The following ETFDH variants were observed in gnomAD, a reference collection of about 807,000 sequenced individuals.
The protein encoded by ETFDH is electron transfer flavoprotein-ubiquinone oxidoreductase, mitochondrial.
In ETFDH, 61 loss-of-function variants were observed where a neutral mutation model predicts 73.2. That is an observed-to-expected ratio of 0.83 (90% CI 0.68 to 1.03). The LOEUF is 1.03. ETFDH is among the 50% of genes least tolerant of loss of function. The probability of loss-of-function intolerance (pLI) is 0.00; values close to 1 mark genes in which losing one functional copy is unlikely to be tolerated. For missense variants in ETFDH, 685 were observed against 745.0 expected (o/e 0.92, Z 0.94); for synonymous variants, 243 against 253.3 (o/e 0.96, Z 0.39).
rs765742496 is a variant in ETFDH, at chr4:158,708,525, T to C, written c.1852T>C (p.Ter618GlnextTer13). The stretch of plus-strand genomic sequence containing the variant: ...AGGAGGACCTGCTTACAATGGAATG[T>C]AAACTGCAGCTAGCCAGTTTCTTTC... ...GGGGPAYNGM[*>Q] Residue 618 changes from the stop codon to glutamine, a stop_lost, in exon 13 of 13, where the codon TAA becomes CAA. Transcript: ENST00000511912. 24 of 1,612,870 alleles carry C rather than the reference T, an allele frequency of 1.5e-5. No homozygotes were observed. The highest frequency in any genetic ancestry group is 3.3e-5 in the Admixed American group (2 of 60,002).
chr4:158,694,718 A>G (rs1037122820), intron 6 of ETFDH, among the ~76,000 whole-genome samples: 11 of 152,210 alleles, frequency 7.2e-5, no homozygotes, highest in African/African-American at 2.7e-4. Context: ...GGTCTTATAT[A>G]CTACTGATGG....
chr4:158,687,718 T>C (rs1159019724), intron 5 of ETFDH, among the ~76,000 whole-genome samples: 1 of 152,214 alleles, frequency 6.6e-6, no homozygotes, highest in Non-Finnish European at 1.5e-5. Flanking sequence ...CTATTGATTC[T>C]TATTATGCAT....
intron 12 of ETFDH, among the ~76,000 whole-genome samples, chr4:158,707,850 G>C (rs924771462): frequency 1.3e-5 from 2 of 152,220 alleles, no homozygotes; most frequent in African/African-American, 4.8e-5. Flanking sequence ...TATCTTCTGT[G>C]AAAGAGGAAA....
At position 158,672,341 on chromosome 4, in the gene ETFDH, A is replaced by C; in HGVS notation, c.-116A>C. 2.9e-6 allele frequency: 3 copies of C among 1,023,406 alleles called. No homozygotes were observed. In the South Asian group the frequency reaches 3.8e-5, roughly 13 times the overall value. 63.4% of individuals were successfully genotyped at this position (1,023,406 alleles called of 1,614,324 possible). On this transcript the variant is annotated 5_prime_UTR_variant, in exon 1 of 13. Coordinates refer to ENST00000511912, the MANE Select transcript of ETFDH (RefSeq NM_004453.4). ...AGAGCGGGGAGGCGAACTGCAGCAG[A>C]GTTCTTGCTTTCCGGCAGGTGATGG...
chr4:158,697,689 T>C lies in ETFDH; in HGVS notation c.962T>C (p.Leu321Pro), dbSNP rs1464356117. The C allele has an allele frequency of 6.2e-7, 1 of 1,611,514 alleles. No individual in the cohort carries two copies. The highest frequency in any genetic ancestry group is 1.7e-5 in the Admixed American group (1 of 60,006). ...HLNEGEPLVALGLVVGLDYQN... is the reference protein window; with the variant it reads ...HLNEGEPLVAPGLVVGLDYQN... The stretch of plus-strand genomic sequence containing the variant: ...AATGAAGGTGAACCCCTAGTAGCTC[T>C]TGGTCTTGTGGTAAGTTATATTCCC... Residue 321 changes from leucine (L) to proline (P), a missense_variant, in exon 8 of 13, where the codon CTT (leucine) becomes CCT (proline). Around this residue, in one of 3 missense-constraint regions of ETFDH, gnomAD observed 405 missense variants for 399.3 expected, o/e 1.01. Coordinates refer to ENST00000511912, the MANE Select transcript of ETFDH (RefSeq NM_004453.4).
At chr4:158,697,286 G>A (rs1326699992) in intron 7 of ETFDH, among the ~76,000 whole-genome samples, 9 of 151,886 alleles carry the variant, frequency 5.9e-5, no homozygotes, top group African/African-American at 2.2e-4. Context: ...GTAGAGACAG[G>A]GTTTTACCAT....
At chr4:158,672,650 C>T (rs866611333) in intron 1 of ETFDH, among the ~76,000 whole-genome samples, 160 bp downstream of exon 1, 1 of 152,148 alleles carries the variant, frequency 6.6e-6, no homozygotes, top group Admixed American at 6.5e-5. Context: ...GGGACCCTGG[C>T]TTCCTCCCTC....
Position 158,706,309 on chromosome 4 carries a change from T to C in ETFDH, c.1406T>C (p.Ile469Thr). 11 of 1,613,458 alleles carry C rather than the reference T, an allele frequency of 6.8e-6. No individual in the cohort carries two copies. Among genetic ancestry groups the C allele is most frequent in the Non-Finnish European group, 9.3e-6 (11 of 1,179,424 alleles). Residue 469 changes from isoleucine to threonine, a missense_variant, in exon 11 of 13, where the codon ATT becomes ACT. Transcript: ENST00000511912. Reference protein sequence around the residue: ...HGVLGVYGGMIYTGIFYWILR... With the variant: ...HGVLGVYGGMTYTGIFYWILR... ...GTACTGGGTGTATATGGAGGGATGATTTACACTGGAATCTTTTACTGGATA... is the reference window on the plus strand; with the variant it reads ...GTACTGGGTGTATATGGAGGGATGACTTACACTGGAATCTTTTACTGGATA...
chr4:158,686,513 T>A (rs1441581425), intron 5 of ETFDH, among the ~76,000 whole-genome samples: 1 of 152,224 alleles, frequency 6.6e-6, no homozygotes, highest in African/African-American at 2.4e-5. Context: ...AAGGCCTGTC[T>A]GTTCACATTC....
chr4:158,688,358 C>T (rs1166704067), intron 5 of ETFDH, among the ~76,000 whole-genome samples: 1 of 140,996 alleles, frequency 7.1e-6, no homozygotes, highest in Non-Finnish European at 1.5e-5. Context: ...TGCAACTGCA[C>T]TCCAGCCTGG....
intron 1 of ETFDH, among the ~76,000 whole-genome samples, chr4:158,673,600 T>G (rs763052023): frequency 5.3e-5 from 8 of 152,234 alleles, no homozygotes; most frequent in Non-Finnish European, 8.8e-5. Flanking sequence ...TAAATTTGGC[T>G]TCCATATATT....
At chr4:158,706,003 T>C (rs1774600176) in intron 10 of ETFDH, among the ~76,000 whole-genome samples, 186 bp from the exon 11 acceptor site, 1 of 152,092 alleles carries the variant, frequency 6.6e-6, no homozygotes, top group African/African-American at 2.4e-5. Flanking sequence ...ATGGCTTGAA[T>C]CTAGGAGGTG....
chr4:158,681,730 G>T (rs1773864270), intron 2 of ETFDH: 1 of 190,906 alleles, frequency 5.2e-6, no homozygotes, highest in Non-Finnish European at 1.1e-5. Context: ...TGCCTACAGT[G>T]TTCAGTATAG....
intron 10 of ETFDH, 40 bp downstream of exon 10, chr4:158,703,631 T>C (rs757653321): frequency 4.1e-6 from 5 of 1,230,770 alleles, no homozygotes; most frequent in Middle Eastern, 4.8e-4. Flanking sequence ...AGAAAATTGC[T>C]GGGTTATGTG....
intron 1 of ETFDH, 61 bp downstream of exon 1, chr4:158,672,551 T>G: frequency 1.3e-6 from 2 of 1,532,406 alleles, no homozygotes; most frequent in Non-Finnish European, 1.8e-6. Context: ...ACAAGGCCGG[T>G]CCTGGGGGCT....
In ETFDH at chr4:158,672,317, G is replaced by C; in HGVS notation, c.-140G>C. ...CGCCGTGAAGCAAGAGCGGTCGGCA[G>C]AGCGGGGAGGCGAACTGCAGCAGAG... is the stretch of plus-strand genomic sequence containing the variant. On this transcript the variant is annotated 5_prime_UTR_variant, in exon 1 of 13. Coordinates refer to ENST00000511912, the MANE Select transcript of ETFDH (RefSeq NM_004453.4). 1 of 868,768 alleles carries C rather than the reference G, an allele frequency of 1.2e-6. No individual in the cohort carries two copies. Among genetic ancestry groups the C allele is most frequent in the Non-Finnish European group, 2.0e-6 (1 of 508,084 alleles). 53.8% of individuals were successfully genotyped at this position (868,768 alleles called of 1,614,324 possible).
intron 6 of ETFDH, among the ~76,000 whole-genome samples, chr4:158,692,583 T>A (rs907282275): frequency 2.0e-5 from 3 of 152,002 alleles, no homozygotes; most frequent in African/African-American, 7.2e-5. Context: ...TGTAAAGAAC[T>A]GTTATCTCAT....
In ETFDH at chr4:158,687,141, A is replaced by G. The variant is rs866047401; in HGVS notation, c.606+1922A>G. ...AATGGTTTCTGACAGAAGCCTGTCC[A>G]AGTTTATTGACAGACTTCAGTCATT... is the stretch of plus-strand genomic sequence containing the variant. On this transcript the variant is annotated intron_variant, in intron 5 of 12. Coordinates refer to ENST00000511912, the MANE Select transcript of ETFDH (RefSeq NM_004453.4). 1.2e-4 allele frequency among the ~76,000 whole-genome samples: 19 copies of G among 152,214 alleles called. 1 individual carries two copies. The highest frequency in any genetic ancestry group is 4.6e-4 in the African/African-American group (19 of 41,460).
In ETFDH at chr4:158,699,018, G is replaced by C. The variant is rs770140708; in HGVS notation, c.1004G>C (p.Ser335Thr). 19 of 1,610,816 alleles carry C rather than the reference G, an allele frequency of 1.2e-5. No individual in the cohort carries two copies. The highest frequency in any genetic ancestry group is 1.6e-5 in the Non-Finnish European group (19 of 1,177,100). ...CTAGACTATCAGAATCCATACCTGA[G>C]TCCATTTAGAGAGTTCCAAAGGTGG... is the stretch of plus-strand genomic sequence containing the variant. Reference protein sequence around the residue: ...VGLDYQNPYLSPFREFQRWKH... With the variant: ...VGLDYQNPYLTPFREFQRWKH... Residue 335 changes from serine to threonine, a missense_variant, in exon 9 of 13, where the codon AGT (serine) becomes ACT (threonine). Physicochemically the swap from Ser to Thr is moderately conservative, Grantham distance 58. Around this residue, in one of 3 missense-constraint regions of ETFDH, gnomAD observed 405 missense variants for 399.3 expected, o/e 1.01. Transcript: ENST00000511912.
Sources: gnomAD v4.1 joint callset for allele counts (sites outside exome capture counted in the v4.1 genomes callset) on GRCh38, gnomAD v4.1.1 for gene constraint, gnomAD v4.1.1 regional missense constraint, MANE v1.5 for transcripts, NCBI Gene and HGNC (gene_info 2026-07-23, HGNC 2026-07-21) for gene names.